The following EBF1 variants were observed in gnomAD, a reference collection of about 807,000 sequenced individuals.
EBF1 encodes the protein EBF transcription factor 1, also known as transcription factor COE1.
EBF1 carries 10 observed loss-of-function variants against 68.4 expected under a neutral mutation model. That is an observed-to-expected ratio of 0.15 (90% confidence interval 0.09 to 0.25). EBF1 has a LOEUF of 0.25. Ranked by LOEUF, EBF1 falls within the 10% of genes least tolerant of loss-of-function variation. The probability of loss-of-function intolerance (pLI) is 1.00; values close to 1 mark genes in which losing one functional copy is unlikely to be tolerated. For synonymous variants in EBF1, 298 were observed against 299.8 expected, an observed-to-expected ratio of 0.99 and a Z score of 0.06; for missense variants, 509 against 794.4, an observed-to-expected ratio of 0.64 and a Z score of 4.32.
intron 6 of EBF1, among the ~76,000 whole-genome samples, chr5:158,959,166 G>A (rs1188152143): frequency 6.6e-6 from 1 of 151,962 alleles, no homozygotes; most frequent in Non-Finnish European, 1.5e-5. Flanking sequence ...ATAAATAATT[G>A]TAATAACCAT....
Position 158,970,077 on chromosome 5 carries a change from C to T in EBF1, c.554+103319G>A, listed in dbSNP as rs983331761. 4.6e-5 allele frequency among the ~76,000 whole-genome samples: 7 copies of T among 152,078 alleles called. No individual in the cohort carries two copies. In the East Asian group the frequency reaches 1.3e-3, roughly 29 times the overall value. On this transcript the variant is annotated intron_variant, in intron 6 of 15. Coordinates refer to ENST00000313708, the MANE Select transcript of EBF1 (RefSeq NM_024007.5). ...CCAGGGATCAGATTTTTTAATATCACCTAACACTGAGACTTTTTTTGCTCT... is the reference window on the plus strand; with the variant it reads ...CCAGGGATCAGATTTTTTAATATCATCTAACACTGAGACTTTTTTTGCTCT...
intron 6 of EBF1, among the ~76,000 whole-genome samples, chr5:158,848,957 T>A (rs943844954): frequency 6.6e-6 from 1 of 152,198 alleles, no homozygotes; most frequent in African/African-American, 2.4e-5. Flanking sequence ...ATGTTCGTTG[T>A]CACACATTCA....
At chr5:158,801,639 T>C (rs1397595521) in intron 8 of EBF1, among the ~76,000 whole-genome samples, 3 of 146,312 alleles carry the variant, frequency 2.1e-5, no homozygotes, top group Admixed American at 6.9e-5. Context: ...ACAATGGTCA[T>C]GGTGAGAAGG....
intron 5 of EBF1, 28 bp from the exon 6 acceptor site, chr5:159,073,492 TA>T: frequency 1.2e-6 from 2 of 1,612,626 alleles, no homozygotes; most frequent in Non-Finnish European, 1.7e-6. Context: ...AAGGATTTAG[TA>T]CAACCATTAC....
chr5:158,981,566 C>T (rs1757906844), intron 6 of EBF1, among the ~76,000 whole-genome samples: 1 of 152,042 alleles, frequency 6.6e-6, no homozygotes, highest in Non-Finnish European at 1.5e-5. Flanking sequence ...ATATTGTACA[C>T]CACTGCCTAA....
intron 6 of EBF1, among the ~76,000 whole-genome samples, chr5:158,972,153 C>T (rs556581390): frequency 4.5e-4 from 69 of 152,196 alleles, no homozygotes; most frequent in Non-Finnish European, 5.7e-4. Flanking sequence ...TGGGAAGGTG[C>T]TCATCCTGAC....
intron 6 of EBF1, among the ~76,000 whole-genome samples, chr5:158,950,728 A>C (rs1435153052): frequency 6.6e-6 from 1 of 152,218 alleles, no homozygotes. Context: ...TCTCATCATG[A>C]CTATACCACC....
intron 10 of EBF1, among the ~76,000 whole-genome samples, chr5:158,755,608 G>A (rs980536624): frequency 3.9e-5 from 6 of 152,116 alleles, no homozygotes; most frequent in African/African-American, 1.4e-4. Flanking sequence ...ACTAGCTGAA[G>A]GCCTAAAAGT....
chr5:158,839,288 G>A (rs1252854989), intron 7 of EBF1, among the ~76,000 whole-genome samples: 1 of 152,218 alleles, frequency 6.6e-6, no homozygotes, highest in African/African-American at 2.4e-5. Context: ...ATTGGAAGAG[G>A]TGAGCAGAGA....
At chr5:158,721,571 G>A (rs1761938838) in intron 11 of EBF1, among the ~76,000 whole-genome samples, 1 of 152,186 alleles carries the variant, frequency 6.6e-6, no homozygotes, top group South Asian at 2.1e-4. Flanking sequence ...ATTTTATTGA[G>A]TGAAAATTGT....
At chr5:158,963,358 G>A (rs1367381316) in intron 6 of EBF1, among the ~76,000 whole-genome samples, 1 of 152,268 alleles carries the variant, frequency 6.6e-6, no homozygotes, top group Non-Finnish European at 1.5e-5. Flanking sequence ...TGACAGTACA[G>A]GTTCTTTGAA....
At chr5:158,984,952 G>A (rs1201221890) in intron 6 of EBF1, among the ~76,000 whole-genome samples, 2 of 152,010 alleles carry the variant, frequency 1.3e-5, no homozygotes, top group African/African-American at 4.8e-5. Context: ...CAAAGTGCTG[G>A]GACTACAGGC....
chr5:158,795,158 A>G (rs1004071970), intron 9 of EBF1, among the ~76,000 whole-genome samples: 1 of 152,226 alleles, frequency 6.6e-6, no homozygotes, highest in African/African-American at 2.4e-5. Context: ...CAAGTATCAC[A>G]GTCTTAACTT....
At chr5:158,798,696 A>G (rs189370364) in intron 8 of EBF1, among the ~76,000 whole-genome samples, 6 of 152,314 alleles carry the variant, frequency 3.9e-5, no homozygotes, top group Admixed American at 3.9e-4. Flanking sequence ...ATGTTTTCAA[A>G]TACTGTGAGC....
At chr5:159,026,450 C>T (rs1042685339) in intron 6 of EBF1, among the ~76,000 whole-genome samples, 2 of 152,090 alleles carry the variant, frequency 1.3e-5, no homozygotes, top group African/African-American at 4.8e-5. Context: ...TGCTAACAAA[C>T]CAAGCAAACA....
chr5:158,859,901 C>G (rs555600051), intron 6 of EBF1, among the ~76,000 whole-genome samples: 2 of 152,320 alleles, frequency 1.3e-5, no homozygotes, highest in Admixed American at 6.5e-5. Context: ...ATCTGGCCAA[C>G]CAGATTTTAA....
At chr5:158,718,923 G>C (rs926482276) in intron 11 of EBF1, among the ~76,000 whole-genome samples, 1 of 152,110 alleles carries the variant, frequency 6.6e-6, no homozygotes, top group Admixed American at 6.5e-5. Flanking sequence ...ACTTTTTGAG[G>C]CCAGTGATAG....
At chr5:159,079,081 T>C (rs1242148426) in intron 5 of EBF1, among the ~76,000 whole-genome samples, 1 of 152,196 alleles carries the variant, frequency 6.6e-6, no homozygotes, top group African/African-American at 2.4e-5. Flanking sequence ...ATCTGAATAG[T>C]CTTATTAATA....
intron 8 of EBF1, among the ~76,000 whole-genome samples, chr5:158,819,677 C>T (rs1784441681): frequency 6.6e-6 from 1 of 152,148 alleles, no homozygotes; most frequent in African/African-American, 2.4e-5. Flanking sequence ...ATCCCGAGCT[C>T]ATGCTTTTTC....
Sources: gnomAD v4.1 joint callset for allele counts (sites outside exome capture counted in the v4.1 genomes callset) on GRCh38, gnomAD v4.1.1 for gene constraint, MANE v1.5 for transcripts, NCBI Gene and HGNC (gene_info 2026-07-23, HGNC 2026-07-21) for gene names.